INPP4B: variants seen among roughly 807,000 people sequenced by gnomAD.
The protein encoded by INPP4B is inositol polyphosphate-4-phosphatase type II B.
In INPP4B, 55 loss-of-function variants were observed where a neutral mutation model predicts 122.5. The ratio of observed to expected loss-of-function variants is 0.45; its 90% CI spans 0.36 to 0.56. INPP4B has a LOEUF of 0.56. Ranked by LOEUF, INPP4B falls within the 20% of genes least tolerant of loss-of-function variation. The pLI is 0.00. For missense variants in INPP4B, 1,000 were observed against 1,097.7 expected (o/e 0.91, Z 1.26); for synonymous variants, 403 against 388.7 (o/e 1.04, Z -0.43).
At chr4:142,190,201 AT>A (rs1333982168) in intron 15 of INPP4B, among the ~76,000 whole-genome samples, 1 of 26,506 alleles carries the variant, frequency 3.8e-5, no homozygotes, top group Non-Finnish European at 1.4e-4. Flanking sequence ...TTGTTTGTTT[AT>A]TTTTGTTTTT....
intron 1 of INPP4B, among the ~76,000 whole-genome samples, chr4:142,793,380 G>C (rs80227024): frequency 0.025 from 3,748 of 152,176 alleles, 58 homozygotes; most frequent in Middle Eastern, 0.095. Context: ...AACTCAGTTA[G>C]TGTTAAGCTG....
At chr4:142,340,107 A>G (rs759926383) in intron 7 of INPP4B, among the ~76,000 whole-genome samples, 3 of 152,222 alleles carry the variant, frequency 2.0e-5, no homozygotes, top group Non-Finnish European at 4.4e-5. Context: ...CACTAAAAGC[A>G]CATCGCATGG....
At chr4:142,258,031 C>T (rs974449576) in intron 11 of INPP4B, among the ~76,000 whole-genome samples, 1 of 151,848 alleles carries the variant, frequency 6.6e-6, no homozygotes, top group African/African-American at 2.4e-5. Flanking sequence ...CAGAACAGAG[C>T]CCTCAGAAAT....
At chr4:142,824,192 C>G (rs547936069) in intron 1 of INPP4B, among the ~76,000 whole-genome samples, 3 of 152,124 alleles carry the variant, frequency 2.0e-5, no homozygotes, top group African/African-American at 7.2e-5. Flanking sequence ...AGATCACCAG[C>G]TTGCAGATGG....
At chr4:142,600,976 A>G (rs1025881936) in intron 2 of INPP4B, among the ~76,000 whole-genome samples, 1 of 152,138 alleles carries the variant, frequency 6.6e-6, no homozygotes, top group African/African-American at 2.4e-5. Context: ...TAAAGAGATC[A>G]ATCTACCAAG....
intron 2 of INPP4B, chr4:142,654,700 A>G (rs1327464009): frequency 6.6e-6 from 1 of 152,108 alleles, no homozygotes; most frequent in Non-Finnish European, 1.5e-5. Flanking sequence ...CAAAGGAGAC[A>G]AGGAGACAAC....
intron 2 of INPP4B, among the ~76,000 whole-genome samples, chr4:142,574,970 T>C (rs902136248): frequency 6.6e-6 from 1 of 152,108 alleles, no homozygotes; most frequent in African/African-American, 2.4e-5. Context: ...AATGTAGGTT[T>C]AGTTGAAACC....
intron 5 of INPP4B, among the ~76,000 whole-genome samples, chr4:142,418,921 G>A (rs576042767): frequency 4.6e-4 from 70 of 152,178 alleles, no homozygotes; most frequent in Non-Finnish European, 9.1e-4. Flanking sequence ...GCTGGCGCAG[G>A]TGAGAGTTCA....
intron 2 of INPP4B, among the ~76,000 whole-genome samples, chr4:142,684,016 T>A (rs1203019825): frequency 2.0e-5 from 3 of 151,978 alleles, no homozygotes; most frequent in Non-Finnish European, 2.9e-5. Context: ...TAGCTGTTAT[T>A]TGGGGAGGCT....
chr4:142,324,191 G>C lies in INPP4B; in HGVS notation c.373-9429C>G, dbSNP rs113763195. On this transcript the variant is annotated intron_variant, in intron 7 of 25. Coordinates refer to ENST00000262992, the MANE Select transcript of INPP4B (RefSeq NM_001101669.3). ...CTACAAGCTAAGGAGAGAGGCTTTG[G>C]AGAAGCCAACCTTGCCAGCACCTTG... 5.6e-3 allele frequency among the ~76,000 whole-genome samples: 857 copies of C among 152,256 alleles called. 9 individuals carry two copies. The highest frequency in any genetic ancestry group is 0.02 in the African/African-American group (818 of 41,544).
intron 2 of INPP4B, among the ~76,000 whole-genome samples, chr4:142,510,251 A>G (rs1560738582): frequency 6.6e-6 from 1 of 152,206 alleles, no homozygotes; most frequent in Non-Finnish European, 1.5e-5. Context: ...TGATTAATCC[A>G]ACACAGAATG....
chr4:142,199,161 G>A (rs944550553), intron 14 of INPP4B, among the ~76,000 whole-genome samples: 7 of 151,812 alleles, frequency 4.6e-5, no homozygotes, highest in African/African-American at 1.5e-4. Flanking sequence ...TCTCCAAACG[G>A]AAATCATTGT....
At chr4:142,351,724 G>T (rs866991978) in intron 7 of INPP4B, among the ~76,000 whole-genome samples, 3 of 152,046 alleles carry the variant, frequency 2.0e-5, no homozygotes, top group Middle Eastern at 3.4e-3. Context: ...GGCTATTAAA[G>T]TCAGATCTTT....
chr4:142,356,170 C>G (rs1398412042), intron 7 of INPP4B, among the ~76,000 whole-genome samples: 2 of 149,988 alleles, frequency 1.3e-5, no homozygotes, highest in East Asian at 3.9e-4. Context: ...ATTAGTTAAT[C>G]TAGAAAATGT....
At chr4:142,030,681 A>ATCTT (rs1739323489) in intron 25 of INPP4B, among the ~76,000 whole-genome samples, 1 of 152,204 alleles carries the variant, frequency 6.6e-6, no homozygotes, top group African/African-American at 2.4e-5. Context: ...TGATAACTAC[A>ATCTT]TCTTTAGAAA....
chr4:142,197,628 T>C (rs1838885171), intron 14 of INPP4B, among the ~76,000 whole-genome samples: 2 of 152,102 alleles, frequency 1.3e-5, no homozygotes, highest in Admixed American at 1.3e-4. Context: ...ACAATGTTAA[T>C]AATAATGATG....
intron 7 of INPP4B, among the ~76,000 whole-genome samples, chr4:142,366,413 T>A (rs1787506303): frequency 6.6e-6 from 1 of 152,140 alleles, no homozygotes; most frequent in South Asian, 2.1e-4. Flanking sequence ...TAAATGGCTC[T>A]AATAAAATAT....
At chr4:142,517,185 A>T (rs1825519448) in intron 2 of INPP4B, among the ~76,000 whole-genome samples, 1 of 152,010 alleles carries the variant, frequency 6.6e-6, no homozygotes, top group Admixed American at 6.6e-5. Context: ...CTCCCACAAC[A>T]AGCATATGTG....
At chr4:142,182,327 T>A (rs1831167180) in intron 15 of INPP4B, among the ~76,000 whole-genome samples, 1 of 152,032 alleles carries the variant, frequency 6.6e-6, no homozygotes, top group South Asian at 2.1e-4. Flanking sequence ...GGTGGGCGGA[T>A]CACGAGGTCA....
Sources: allele counts gnomAD v4.1 joint callset (sites outside exome capture counted in the v4.1 genomes callset), GRCh38; gene constraint gnomAD v4.1.1; transcripts MANE v1.5; gene names NCBI Gene and HGNC (gene_info 2026-07-23, HGNC 2026-07-21).